ANKFN1: variants seen among roughly 807,000 people sequenced by gnomAD.
The protein encoded by ANKFN1 is ankyrin repeat and fibronectin type-III domain-containing protein 1.
Under a neutral mutation model 108.7 loss-of-function variants are expected in ANKFN1, and 74 were observed. That is an observed-to-expected ratio of 0.68 (90% CI 0.56 to 0.83). ANKFN1 has a LOEUF of 0.83. Among genes scored for constraint, ANKFN1 ranks in the 40% least tolerant of loss-of-function variants. The pLI is 0.00. For missense variants in ANKFN1, 1,505 were observed against 1,382.3 expected (o/e 1.09, Z -1.41); for synonymous variants, 547 against 516.2 (o/e 1.06, Z -0.81).
At chr17:56,194,633 G>A (rs1425408239) in intron 1 of ANKFN1, among the ~76,000 whole-genome samples, 1 of 152,156 alleles carries the variant, frequency 6.6e-6, no homozygotes, top group Non-Finnish European at 1.5e-5. Context: ...GGATTTTTAG[G>A]TAGTAATACT....
intron 2 of ANKFN1, among the ~76,000 whole-genome samples, chr17:56,220,720 CGGAAAA>C (rs1301087953): frequency 7.7e-6 from 1 of 129,126 alleles, no homozygotes; most frequent in African/African-American, 3.1e-5. Flanking sequence ...GAAAGGGAAA[CGGAAAA>C]GGAAAAGGGA....
intron 1 of ANKFN1, among the ~76,000 whole-genome samples, chr17:56,154,933 C>T (rs913520255): frequency 3.9e-5 from 6 of 152,130 alleles, no homozygotes; most frequent in African/African-American, 7.2e-5. Flanking sequence ...TTCGACCATA[C>T]TATTTCAGTT....
chr17:56,263,943 A>G (rs1202675708), intron 3 of ANKFN1, among the ~76,000 whole-genome samples: 1 of 152,228 alleles, frequency 6.6e-6, no homozygotes, highest in African/African-American at 2.4e-5. Context: ...TGAGGCTGCC[A>G]TTGTGACATT....
chr17:56,257,155 T>G (rs922370811), intron 3 of ANKFN1, among the ~76,000 whole-genome samples: 2 of 152,204 alleles, frequency 1.3e-5, no homozygotes, highest in African/African-American at 4.8e-5. Context: ...GTGCCTGGTA[T>G]AGTAAGAACT....
At chr17:56,133,689 T>G (rs1907424299) in intron 4 of ANKFN1, among the ~76,000 whole-genome samples, 1 of 152,162 alleles carries the variant, frequency 6.6e-6, no homozygotes, top group Admixed American at 6.5e-5. Context: ...AATGTCATTT[T>G]CTCTTTGATT....
At chr17:56,170,801 T>TACAC (rs1224594065) in intron 1 of ANKFN1, among the ~76,000 whole-genome samples, 1 of 64,206 alleles carries the variant, frequency 1.6e-5, no homozygotes, top group African/African-American at 5.0e-5. Flanking sequence ...TATATATATA[T>TACAC]ATATATACAC....
intron 4 of ANKFN1, among the ~76,000 whole-genome samples, chr17:56,094,682 T>TGTTG (rs762960958): frequency 2.3e-5 from 3 of 130,066 alleles, no homozygotes; most frequent in Non-Finnish European, 3.1e-5. Flanking sequence ...TGGGTTTTTT[T>TGTTG]TTTTTTTTTT....
chr17:56,086,688 C>T (rs4794621), intron 4 of ANKFN1, among the ~76,000 whole-genome samples: 88,072 of 150,888 alleles, frequency 0.58, 28,673 homozygotes, highest in Middle Eastern at 0.72. Flanking sequence ...GCCTAGCCCA[C>T]GATGTCTTCT....
At chr17:56,315,306 C>G (rs1476169110) in intron 3 of ANKFN1, among the ~76,000 whole-genome samples, 1 of 152,204 alleles carries the variant, frequency 6.6e-6, no homozygotes, top group Non-Finnish European at 1.5e-5. Flanking sequence ...AGAAAACTCC[C>G]ACTTTTCCTT....
At chr17:56,151,781 A>G (rs776237698), upstream of ANKFN1, among the ~76,000 whole-genome samples, 21 of 152,162 alleles carry the variant, frequency 1.4e-4, no homozygotes, top group Admixed American at 3.3e-4. Context: ...CCTAAGTAAC[A>G]TTAAAGACCA....
At chr17:56,254,465 T>C (rs1674574001) in intron 3 of ANKFN1, among the ~76,000 whole-genome samples, 1 of 152,242 alleles carries the variant, frequency 6.6e-6, no homozygotes, top group Non-Finnish European at 1.5e-5. Context: ...ATTTTGTGAA[T>C]GACTGTGCTT....
At chr17:56,153,590 T>C in intron 1 of ANKFN1, 60 bp downstream of exon 1, 1 of 1,600,084 alleles carries the variant, frequency 6.2e-7, no homozygotes, top group Non-Finnish European at 8.6e-7. Flanking sequence ...TGTTTTGCAT[T>C]CAACAGGCAG....
rs188311082 is a variant in ANKFN1 at position 56,396,857 on chromosome 17, A to G, written c.910+22143A>G. Among the ~76,000 whole-genome samples, 272 of 152,188 alleles carry G rather than the reference A, an allele frequency of 1.8e-3. 2 individuals carry two copies. Among genetic ancestry groups the G allele is most frequent in the Admixed American group, 0.016 (241 of 15,282 alleles). On this transcript the variant is annotated intron_variant, in intron 8 of 20. Coordinates refer to ENST00000682825, the MANE Select transcript of ANKFN1 (RefSeq NM_001370326.1). Reference sequence around the variant, plus strand: ...CCTAGGGTCTTTCCTCTTAAGGACTACACTATCCCACCAGCTTTTCCACCA... The same window carrying G: ...CCTAGGGTCTTTCCTCTTAAGGACTGCACTATCCCACCAGCTTTTCCACCA...
chr17:56,229,039 C>A (rs1199008934), intron 3 of ANKFN1, among the ~76,000 whole-genome samples: 1 of 152,018 alleles, frequency 6.6e-6, no homozygotes, highest in Non-Finnish European at 1.5e-5. Context: ...TTACTGATTT[C>A]CCTAGGGGTT....
chr17:56,078,208 A>T (rs1905203402), intron 4 of ANKFN1, among the ~76,000 whole-genome samples: 1 of 151,970 alleles, frequency 6.6e-6, no homozygotes, highest in Admixed American at 6.6e-5. Context: ...TAAGGCACAG[A>T]CCTGGCCAGA....
chr17:56,117,308 A>G (rs962079182), intron 4 of ANKFN1, among the ~76,000 whole-genome samples: 2 of 152,198 alleles, frequency 1.3e-5, no homozygotes, highest in Non-Finnish European at 2.9e-5. Flanking sequence ...GCTCAGTAAC[A>G]TCACAAAGGA....
In ANKFN1 at chr17:56,423,511, C is replaced by T. The variant is rs76763217; in HGVS notation, c.911-16816C>T. 2.0e-4 allele frequency among the ~76,000 whole-genome samples: 30 copies of T among 152,318 alleles called. No individual in the cohort carries two copies. In the East Asian group the frequency reaches 3.3e-3, roughly 17 times the overall value. On this transcript the variant is annotated intron_variant, in intron 8 of 20. Transcript: ENST00000682825. ...CCTTGCTCATAAACCTTCAGCATTG[C>T]GTACAAGGCCTTCCGCATATCAACC...
chr17:56,392,592 A>G (rs1886168634), intron 8 of ANKFN1, among the ~76,000 whole-genome samples: 1 of 152,206 alleles, frequency 6.6e-6, no homozygotes, highest in Non-Finnish European at 1.5e-5. Flanking sequence ...GATAAAATAA[A>G]CACACCGTGG....
intron 15 of ANKFN1, among the ~76,000 whole-genome samples, chr17:56,467,326 G>C (rs1342492596): frequency 1.3e-5 from 2 of 152,050 alleles, no homozygotes; most frequent in African/African-American, 4.8e-5. Context: ...ATTTACTCCT[G>C]CATGTTCCTT....
Sources: gnomAD v4.1 joint callset for allele counts (sites outside exome capture counted in the v4.1 genomes callset) on GRCh38, gnomAD v4.1.1 for gene constraint, MANE v1.5 for transcripts, NCBI Gene and HGNC (gene_info 2026-07-23, HGNC 2026-07-21) for gene names.